Variants in GLMN observed in about 807,000 individuals in gnomAD.
GLMN encodes the protein glomulin.
Under a neutral mutation model 87.8 loss-of-function variants are expected in GLMN, and 75 were observed. The ratio of observed to expected loss-of-function variants is 0.85; its 90% CI spans 0.71 to 1.04. The LOEUF (loss-of-function observed/expected upper bound fraction) is 1.04. Ranked by LOEUF, GLMN falls within the 50% of genes least tolerant of loss-of-function variation. GLMN has a pLI of 0.00. For synonymous variants in GLMN, 206 were observed against 221.6 expected (o/e 0.93, Z 0.63); for missense variants, 588 against 658.8 (o/e 0.89, Z 1.18).
the GLMN span, chr1:92,320,540 G>A: frequency 6.2e-6 from 9 of 1,452,412 alleles, no homozygotes; most frequent in Admixed American, 1.5e-4. Context: ...AAAGTGCTGG[G>A]GTTACAGGCA....
At chr1:92,342,374 C>T in the GLMN span, among the ~76,000 whole-genome samples, 79 of 152,252 alleles carry the variant, frequency 5.2e-4, no homozygotes, top group African/African-American at 1.6e-3. Context: ...GCTAGAGAAA[C>T]GAGCAGAGGC....
At chr1:92,250,204 A>AAAAT (rs1653279060) in intron 16 of GLMN, among the ~76,000 whole-genome samples, 1 of 152,152 alleles carries the variant, frequency 6.6e-6, no homozygotes, top group Admixed American at 6.6e-5. Context: ...TTACTTTTAA[A>AAAAT]AAATAAATAC....
At chr1:92,318,840 G>A in the GLMN span, among the ~76,000 whole-genome samples, 4 of 152,188 alleles carry the variant, frequency 2.6e-5, no homozygotes, top group African/African-American at 9.7e-5. Flanking sequence ...ATCTCAGTGA[G>A]AGCCATTTCA....
At chr1:92,307,206 T>C in the GLMN span, 1 of 1,611,368 alleles carries the variant, frequency 6.2e-7, no homozygotes, top group African/African-American at 1.3e-5. Flanking sequence ...CAGCAATTTT[T>C]GTTATCAAGC....
At chr1:92,270,281 A>G (rs1370253458) in intron 8 of GLMN, among the ~76,000 whole-genome samples, 1 of 152,220 alleles carries the variant, frequency 6.6e-6, no homozygotes, top group Non-Finnish European at 1.5e-5. Flanking sequence ...TATGCTGTAT[A>G]AGTTATTTTG....
At chr1:92,309,799 T>C in the GLMN span, among the ~76,000 whole-genome samples, 27 of 152,080 alleles carry the variant, frequency 1.8e-4, no homozygotes, top group African/African-American at 9.7e-5. Flanking sequence ...TGGGAATGGG[T>C]TGGGATATTG....
At chr1:92,347,543 A>T in the GLMN span, among the ~76,000 whole-genome samples, 1 of 152,230 alleles carries the variant, frequency 6.6e-6, no homozygotes, top group African/African-American at 2.4e-5. Context: ...CTTACTGAAG[A>T]CACATTAAGT....
chr1:92,360,817 GT>G, the GLMN span, among the ~76,000 whole-genome samples: 201 of 152,062 alleles, frequency 1.3e-3, no homozygotes, highest in Non-Finnish European at 2.2e-3. Flanking sequence ...TTTCATTACT[GT>G]TACATTCATT....
At chr1:92,351,288 C>T in the GLMN span, among the ~76,000 whole-genome samples, 1 of 115,622 alleles carries the variant, frequency 8.6e-6, no homozygotes, top group Non-Finnish European at 1.6e-5. Flanking sequence ...GCCTGGTGAC[C>T]GAGTGAGACT....
At chr1:92,270,605 T>C (rs1656141742) in intron 8 of GLMN, among the ~76,000 whole-genome samples, 1 of 152,122 alleles carries the variant, frequency 6.6e-6, no homozygotes, top group South Asian at 2.1e-4. Flanking sequence ...AAATACCCAA[T>C]GCCTATAAGA....
chr1:92,338,318 A>ATTGGCC, the GLMN span, among the ~76,000 whole-genome samples: 1 of 152,238 alleles, frequency 6.6e-6, no homozygotes, highest in East Asian at 1.9e-4. Flanking sequence ...CAATCCTCAG[A>ATTGGCC]TTGGCCTTGG....
At chr1:92,301,978 T>C (rs1241077520), upstream of GLMN, among the ~76,000 whole-genome samples, 24 of 152,190 alleles carry the variant, frequency 1.6e-4, no homozygotes, top group Non-Finnish European at 2.9e-5. Context: ...TATACAATTA[T>C]TATTGTCAAT....
intron 3 of GLMN, among the ~76,000 whole-genome samples, chr1:92,296,447 G>A (rs1289660080): frequency 1.3e-5 from 2 of 152,104 alleles, no homozygotes; most frequent in Non-Finnish European, 2.9e-5. Context: ...GTGCCAACAG[G>A]GGAAATGCCA....
the GLMN span, among the ~76,000 whole-genome samples, chr1:92,306,648 A>T: frequency 6.6e-6 from 1 of 152,166 alleles, no homozygotes; most frequent in African/African-American, 2.4e-5. Flanking sequence ...GATAGAGACC[A>T]GCCTGGGCAA....
chr1:92,304,267 T>C, the GLMN span: 4 of 1,410,446 alleles, frequency 2.8e-6, no homozygotes, highest in Non-Finnish European at 4.0e-6. Flanking sequence ...TTGTAAGCTG[T>C]ACTTTCTTTT....
intron 7 of GLMN, among the ~76,000 whole-genome samples, chr1:92,284,742 C>CCTTTG (rs1402233959): frequency 6.6e-6 from 1 of 151,790 alleles, no homozygotes; most frequent in Non-Finnish European, 1.5e-5. Flanking sequence ...GGCTAATATC[C>CCTTTG]AGAATCTACA....
chr1:92,293,414 T>A (rs2101052327), intron 3 of GLMN, among the ~76,000 whole-genome samples: 1 of 152,180 alleles, frequency 6.6e-6, no homozygotes, highest in Middle Eastern at 3.4e-3. Flanking sequence ...CACGTCATTC[T>A]CCTGTCTCAG....
chr1:92,314,604 G>A, the GLMN span, among the ~76,000 whole-genome samples: 1 of 149,994 alleles, frequency 6.7e-6, no homozygotes, highest in African/African-American at 2.5e-5. Context: ...ACAAAAATAG[G>A]TGGTGGCATG....
chr1:92,340,790 A>G, the GLMN span, among the ~76,000 whole-genome samples: 1 of 152,290 alleles, frequency 6.6e-6, no homozygotes, highest in African/African-American at 2.4e-5. Context: ...CAAATCTGCT[A>G]TCTAGAATGT....
Sources: allele counts gnomAD v4.1 joint callset (sites outside exome capture counted in the v4.1 genomes callset), GRCh38; gene constraint gnomAD v4.1.1; transcripts MANE v1.5; gene names NCBI Gene and HGNC (gene_info 2026-07-23, HGNC 2026-07-21).